Variants in GALNS observed in about 807,000 individuals in gnomAD.
GALNS encodes galactosamine (N-acetyl)-6-sulfatase.
Under a neutral mutation model 65.9 loss-of-function variants are expected in GALNS, and 65 were observed. The ratio of observed to expected loss-of-function variants is 0.99; its 90% CI spans 0.81 to 1.21. The LOEUF (loss-of-function observed/expected upper bound fraction) is 1.21, where lower values mean the gene tolerates loss of function less well. GALNS is among the 50% of genes most tolerant of loss of function. GALNS has a pLI of 0.00. For missense variants in GALNS, 776 were observed against 700.7 expected (o/e 1.11, Z -1.21); for synonymous variants, 346 against 288.9 (o/e 1.20, Z -2.00).
intron 3 of GALNS, among the ~76,000 whole-genome samples, chr16:88,841,491 C>A (rs145364612): frequency 6.6e-6 from 1 of 152,296 alleles, no homozygotes; most frequent in Admixed American, 6.5e-5. Context: ...TCCTCAAATG[C>A]CACTGGAAAT....
chr16:88,850,481 CT>C (rs1967456965), intron 1 of GALNS, among the ~76,000 whole-genome samples: 1 of 152,208 alleles, frequency 6.6e-6, no homozygotes, highest in Admixed American at 6.5e-5. Context: ...ACGCTCATCA[CT>C]CACCAGAAAA....
At chr16:88,824,994 C>T in intron 10 of GALNS, 125 bp from the exon 11 acceptor site, 1 of 769,558 alleles carries the variant, frequency 1.3e-6, no homozygotes, top group Middle Eastern at 3.1e-4. Flanking sequence ...TGATACTTTA[C>T]AAAGATGATT....
At chr16:88,818,800 A>G (rs1208230470) in intron 12 of GALNS, among the ~76,000 whole-genome samples, 2 of 152,208 alleles carry the variant, frequency 1.3e-5, no homozygotes, top group African/African-American at 4.8e-5. Context: ...ACATCCACAT[A>G]AAAAGACACC....
chr16:88,816,718 C>T (rs1909666406), intron 13 of GALNS: 1 of 985,342 alleles, frequency 1.0e-6, no homozygotes, highest in South Asian at 4.7e-5. Flanking sequence ...AGAGCCACCA[C>T]CTTCCTTCCC....
intron 13 of GALNS, chr16:88,815,862 G>C (rs1909568644): frequency 5.1e-6 from 5 of 985,314 alleles, no homozygotes; most frequent in Non-Finnish European, 6.0e-6. Context: ...AGTCTGGATG[G>C]GGGATCTGCA....
chr16:88,838,235 C>T (rs970561252), intron 4 of GALNS, among the ~76,000 whole-genome samples: 8 of 152,204 alleles, frequency 5.3e-5, no homozygotes, highest in Non-Finnish European at 1.0e-4. Flanking sequence ...CACACCGAGG[C>T]GCTCAGAGTC....
chr16:88,824,726 T>A, intron 11 of GALNS, 41 bp downstream of exon 11: 2 of 1,550,942 alleles, frequency 1.3e-6, no homozygotes, highest in Non-Finnish European at 1.8e-6. Context: ...TGGATAGAGA[T>A]GGGGGCAGCT....
intron 1 of GALNS, chr16:88,856,352 C>T (rs550729585): frequency 2.3e-4 from 160 of 702,146 alleles, no homozygotes; most frequent in Middle Eastern, 6.9e-4. Flanking sequence ...CTCTTCCTCC[C>T]TTTGGGGAGG....
intron 1 of GALNS, chr16:88,855,200 A>T (rs1248368969): frequency 1.5e-6 from 1 of 688,836 alleles, no homozygotes; most frequent in Non-Finnish European, 2.6e-6. Flanking sequence ...CAACATAAAA[A>T]ATTATTCATG....
rs991387260 is a variant in GALNS, at chr16:88,816,926, C to T, written c.1482+1081G>A. On this transcript the variant is annotated intron_variant, in intron 13 of 13. Transcript: ENST00000268695. Reference sequence around the variant, plus strand: ...CGCCCAGCCCGTGTAAACAGGTGAGCGACGGCCCAGGGGCCTCGAGGCTGG... The same window carrying T: ...CGCCCAGCCCGTGTAAACAGGTGAGTGACGGCCCAGGGGCCTCGAGGCTGG... 15 of 985,322 alleles carry T rather than the reference C, an allele frequency of 1.5e-5. No individual in the cohort carries two copies. In the East Asian group the frequency reaches 1.0e-3, roughly 67 times the overall value. 61.0% of individuals were successfully genotyped at this position (985,322 alleles called of 1,614,324 possible).
intron 2 of GALNS, 46 bp from the exon 3 acceptor site, chr16:88,842,017 C>G (rs752400861): frequency 1.3e-6 from 2 of 1,546,126 alleles, no homozygotes; most frequent in South Asian, 2.3e-5. Flanking sequence ...AAGGGTGTGG[C>G]TCAGACCCCG....
intron 1 of GALNS, among the ~76,000 whole-genome samples, chr16:88,850,770 C>T (rs1008785925): frequency 5.3e-5 from 8 of 152,214 alleles, no homozygotes; most frequent in South Asian, 2.1e-4. Context: ...GGAAGCTGTG[C>T]GAGACTCAGT....
intron 12 of GALNS, among the ~76,000 whole-genome samples, chr16:88,819,974 G>A (rs1034767801): frequency 2.6e-5 from 4 of 152,020 alleles, no homozygotes; most frequent in African/African-American, 7.3e-5. Flanking sequence ...TTACAGGTGT[G>A]AGCCACTGTG....
At chr16:88,815,244 T>C (rs1909501880) in intron 13 of GALNS, 1 of 985,282 alleles carries the variant, frequency 1.0e-6, no homozygotes, top group Non-Finnish European at 1.2e-6. Flanking sequence ...GTCCCGGGTA[T>C]GGGGGATGCA....
intron 10 of GALNS, among the ~76,000 whole-genome samples, chr16:88,825,679 C>A (rs1910813740): frequency 6.6e-6 from 1 of 151,170 alleles, no homozygotes; most frequent in African/African-American, 2.4e-5. Context: ...TGGGCCAGAC[C>A]CTGGGGAGGG....
At chr16:88,849,994 G>A (rs1198117847) in intron 1 of GALNS, among the ~76,000 whole-genome samples, 4 of 151,226 alleles carry the variant, frequency 2.6e-5, no homozygotes, top group South Asian at 2.1e-4. Flanking sequence ...AGGCTGGGAC[G>A]GTACAGCTCC....
intron 5 of GALNS, among the ~76,000 whole-genome samples, chr16:88,837,152 T>A (rs1191542522): frequency 6.6e-6 from 1 of 152,154 alleles, no homozygotes; most frequent in African/African-American, 2.4e-5. Context: ...CACTGCCGTG[T>A]CAAGAGGTGC....
Position 88,850,953 on chromosome 16 carries a change from G to A in GALNS, c.120+5805C>T, listed in dbSNP as rs111371502. Among the ~76,000 whole-genome samples the A allele has an allele frequency of 3.6e-3, 550 of 152,348 alleles. 2 individuals carry two copies. Among genetic ancestry groups the A allele is most frequent in the African/African-American group, 0.012 (514 of 41,586 alleles). On this transcript the variant is annotated intron_variant, in intron 1 of 13. Transcript: ENST00000268695. ...GCGGGGGGACCTCCTGTTCCCAGAC[G>A]CCAGCCGAGGGCAAAAACCTCCCAC... is the stretch of plus-strand genomic sequence containing the variant.
At chr16:88,821,904 C>G (rs943631120) in intron 12 of GALNS, among the ~76,000 whole-genome samples, 1 of 152,150 alleles carries the variant, frequency 6.6e-6, no homozygotes, top group Non-Finnish European at 1.5e-5. Context: ...GACCCCCAGG[C>G]CAGGAGCAGG....
Sources: gnomAD v4.1 joint callset for allele counts (sites outside exome capture counted in the v4.1 genomes callset) on GRCh38, gnomAD v4.1.1 for gene constraint, MANE v1.5 for transcripts, NCBI Gene and HGNC (gene_info 2026-07-23, HGNC 2026-07-21) for gene names.